SLC30A9: variants seen among roughly 807,000 people sequenced by gnomAD.
SLC30A9 encodes the protein solute carrier family 30 member 9.
Under a neutral mutation model 87.5 loss-of-function variants are expected in SLC30A9, and 58 were observed. That is an observed-to-expected ratio of 0.66 (90% CI 0.54 to 0.82). The LOEUF is 0.82. SLC30A9 is among the 40% of genes least tolerant of loss of function. The probability of loss-of-function intolerance (pLI) is 0.00; values close to 1 mark genes in which losing one functional copy is unlikely to be tolerated. For missense variants in SLC30A9, 557 were observed against 679.1 expected (o/e 0.82, Z 2.00); for synonymous variants, 234 against 233.0 (o/e 1.00, Z -0.04).
intron 2 of SLC30A9, among the ~76,000 whole-genome samples, chr4:42,017,862 T>G (rs1005766085): frequency 6.6e-6 from 1 of 152,182 alleles, no homozygotes; most frequent in Non-Finnish European, 1.5e-5. Context: ...TTTGCATGGA[T>G]GTTGAATTGT....
At chr4:41,997,998 C>T (rs1391579095) in intron 1 of SLC30A9, among the ~76,000 whole-genome samples, 4 of 152,174 alleles carry the variant, frequency 2.6e-5, no homozygotes, top group African/African-American at 9.7e-5. Context: ...GTTGTTGTTG[C>T]GGAAGCAACG....
chr4:42,078,492 T>A, intron 17 of SLC30A9, 167 bp downstream of exon 17: 1 of 428,204 alleles, frequency 2.3e-6, no homozygotes, highest in Non-Finnish European at 4.2e-6. Flanking sequence ...TTAGATAAGT[T>A]GAATAATTTA....
Position 42,090,357 on chromosome 4 carries a change from A to G in SLC30A9, c.*4231A>G, listed in dbSNP as rs1331328763. 2 of 152,264 alleles carry G rather than the reference A, an allele frequency of 1.3e-5. No homozygotes were observed. Among genetic ancestry groups the G allele is most frequent in the East Asian group, 3.9e-4 (2 of 5,184 alleles). 9.4% of individuals were successfully genotyped at this position (152,264 alleles called of 1,614,324 possible). On this transcript the variant is annotated 3_prime_UTR_variant, in exon 18 of 18. Coordinates refer to ENST00000264451, the MANE Select transcript of SLC30A9 (RefSeq NM_006345.4). Reference sequence around the variant, plus strand: ...TGCAAAAAGAAAATTTTTATTCGTTATATTGTATTTCATCTGTCTGATTTC... The same window carrying G: ...TGCAAAAAGAAAATTTTTATTCGTTGTATTGTATTTCATCTGTCTGATTTC...
At chr4:42,047,694 G>A (rs1021799265) in intron 8 of SLC30A9, among the ~76,000 whole-genome samples, 5 of 152,070 alleles carry the variant, frequency 3.3e-5, no homozygotes, top group African/African-American at 9.7e-5. Context: ...ATCTAGAACC[G>A]GAAATACCAT....
At chr4:42,023,045 A>G (rs1716040935) in intron 5 of SLC30A9, 115 bp downstream of exon 5, 1 of 600,474 alleles carries the variant, frequency 1.7e-6, no homozygotes, top group Non-Finnish European at 2.9e-6. Flanking sequence ...ATATTTTTGT[A>G]TTTGCAAATC....
At position 42,023,254 on chromosome 4, in the gene SLC30A9, T is replaced by C. The variant is rs548833491; in HGVS notation, c.528-48T>C. On this transcript the variant is annotated intron_variant, in intron 5 of 17. Coordinates refer to ENST00000264451, the MANE Select transcript of SLC30A9 (RefSeq NM_006345.4). ...AATTTAGATTTAAATGTGATGTCAA[T>C]AAAGTCATTAAAATTGTTCATTGTG... 2.2e-5 allele frequency: 27 copies of C among 1,205,648 alleles called. No individual in the cohort carries two copies. The East Asian group carries it at 3.9e-4, about 18-fold the overall frequency. The allele number at this position is 1,205,648 out of a possible 1,614,324, so 74.7% of individuals were successfully genotyped here.
chr4:42,051,323 A>G (rs1717375828), intron 9 of SLC30A9, among the ~76,000 whole-genome samples: 1 of 152,224 alleles, frequency 6.6e-6, no homozygotes, highest in African/African-American at 2.4e-5. Flanking sequence ...TCTTTAATAA[A>G]GGCAGCAAAA....
intron 8 of SLC30A9, among the ~76,000 whole-genome samples, chr4:42,047,911 G>GT (rs1367342993): frequency 6.6e-6 from 1 of 152,208 alleles, no homozygotes; most frequent in Non-Finnish European, 1.5e-5. Context: ...AAAAGGATGA[G>GT]TTCATGTCCT....
intron 2 of SLC30A9, among the ~76,000 whole-genome samples, chr4:42,007,809 TATC>T (rs1172075851): frequency 2.5e-5 from 2 of 80,114 alleles, no homozygotes; most frequent in East Asian, 4.8e-3. Context: ...TACTTCAAGA[TATC>T]ATTATCTCTT....
intron 2 of SLC30A9, among the ~76,000 whole-genome samples, chr4:42,003,783 C>T (rs1427258640): frequency 1.3e-5 from 2 of 151,792 alleles, no homozygotes; most frequent in South Asian, 2.1e-4. Flanking sequence ...TTTCTCATTC[C>T]GTCATCCTTT....
intron 6 of SLC30A9, among the ~76,000 whole-genome samples, chr4:42,024,664 A>G (rs937834219): frequency 1.3e-5 from 2 of 152,324 alleles, no homozygotes; most frequent in East Asian, 1.9e-4. Flanking sequence ...TATGGTACCA[A>G]TTTACATTTA....
intron 2 of SLC30A9, among the ~76,000 whole-genome samples, chr4:42,005,957 C>A (rs1715183655): frequency 6.6e-6 from 1 of 152,196 alleles, no homozygotes; most frequent in African/African-American, 2.4e-5. Flanking sequence ...TGTTCAGCAT[C>A]TGTGGATTCA....
chr4:42,030,541 C>G (rs1716381602), intron 6 of SLC30A9, among the ~76,000 whole-genome samples: 2 of 149,662 alleles, frequency 1.3e-5, no homozygotes, highest in Non-Finnish European at 3.0e-5. Context: ...GTTTTGCTGT[C>G]CAAGGTGTAA....
intron 8 of SLC30A9, among the ~76,000 whole-genome samples, chr4:42,046,690 C>T (rs1390839307): frequency 6.6e-6 from 1 of 152,138 alleles, no homozygotes; most frequent in African/African-American, 2.4e-5. Context: ...ATATCCCCAT[C>T]AAGCTACCAT....
At chr4:42,038,653 C>CT (rs1368646092) in intron 7 of SLC30A9, among the ~76,000 whole-genome samples, 2 of 152,178 alleles carry the variant, frequency 1.3e-5, no homozygotes, top group African/African-American at 4.8e-5. Flanking sequence ...TTTTGGGTGT[C>CT]TGATTTCACA....
chr4:42,076,855 G>A (rs563792344), intron 16 of SLC30A9, among the ~76,000 whole-genome samples: 10 of 151,764 alleles, frequency 6.6e-5, no homozygotes, highest in African/African-American at 2.2e-4. Flanking sequence ...CCAGCTACTC[G>A]GCAGGCTGAG....
intron 14 of SLC30A9, among the ~76,000 whole-genome samples, chr4:42,068,313 G>A (rs946181395): frequency 1.3e-5 from 2 of 150,314 alleles, no homozygotes; most frequent in East Asian, 3.9e-4. Flanking sequence ...GTGCCATGTC[G>A]GCTCACTGCA....
intron 2 of SLC30A9, among the ~76,000 whole-genome samples, chr4:42,005,263 G>C (rs1034112450): frequency 6.6e-6 from 1 of 152,044 alleles, no homozygotes; most frequent in African/African-American, 2.4e-5. Flanking sequence ...TGCCTGGAAG[G>C]GTTTGTTTTT....
intron 13 of SLC30A9, 133 bp downstream of exon 13, chr4:42,066,754 T>C (rs1718093235): frequency 1.7e-6 from 1 of 581,690 alleles, no homozygotes; most frequent in Non-Finnish European, 3.0e-6. Flanking sequence ...GGCTCTTACA[T>C]ATCCTTCAGC....
Sources: gnomAD v4.1 joint callset for allele counts (sites outside exome capture counted in the v4.1 genomes callset) on GRCh38, gnomAD v4.1.1 for gene constraint, MANE v1.5 for transcripts, NCBI Gene and HGNC (gene_info 2026-07-23, HGNC 2026-07-21) for gene names.